NBAS: variants seen among roughly 807,000 people sequenced by gnomAD.
The protein encoded by NBAS is NAG/BC035112 fusion.
In NBAS, 219 loss-of-function variants were observed where a neutral mutation model predicts 302.5. The ratio of observed to expected loss-of-function variants is 0.72; its 90% CI spans 0.65 to 0.81. NBAS has a LOEUF of 0.81. Among genes scored for constraint, NBAS ranks in the 30% least tolerant of loss-of-function variants. The probability of loss-of-function intolerance (pLI) is 0.00; values close to 1 mark genes in which losing one functional copy is unlikely to be tolerated. For missense variants in NBAS, 2,932 were observed against 2,841.6 expected (o/e 1.03, Z -0.72); for synonymous variants, 1,118 against 1,021.6 (o/e 1.09, Z -1.80).
intron 40 of NBAS, among the ~76,000 whole-genome samples, chr2:15,298,946 C>T (rs1670675111): frequency 6.6e-6 from 1 of 152,136 alleles, no homozygotes; most frequent in African/African-American, 2.4e-5. Flanking sequence ...CACCCGCTTG[C>T]CCCACACTGC....
At chr2:15,318,011 G>A (rs1388008492) in intron 38 of NBAS, among the ~76,000 whole-genome samples, 1 of 152,156 alleles carries the variant, frequency 6.6e-6, no homozygotes, top group Non-Finnish European at 1.5e-5. Context: ...AGGTTGGGTT[G>A]CCCACAAAGG....
At chr2:15,039,110 C>T in the NBAS span, among the ~76,000 whole-genome samples, 35 of 152,288 alleles carry the variant, frequency 2.3e-4, no homozygotes, top group African/African-American at 7.7e-4. Flanking sequence ...CTGACTAGCC[C>T]TCTGTCTTTG....
the NBAS span, among the ~76,000 whole-genome samples, chr2:15,113,707 T>C: frequency 3.3e-5 from 5 of 152,150 alleles, no homozygotes; most frequent in Admixed American, 2.6e-4. Context: ...GATTCTTTAG[T>C]ACCAACTCTT....
At chr2:15,339,527 G>C (rs1672751498) in intron 35 of NBAS, among the ~76,000 whole-genome samples, 1 of 152,068 alleles carries the variant, frequency 6.6e-6, no homozygotes, top group Non-Finnish European at 1.5e-5. Context: ...ACACCAACTT[G>C]TGACAGGCAT....
rs141667523 is a variant in NBAS at position 15,555,718 on chromosome 2, C to G, written c.209+1065G>C. Among the ~76,000 whole-genome samples the G allele has an allele frequency of 2.7e-3, 411 of 152,150 alleles. 1 individual carries two copies. The highest frequency in any genetic ancestry group is 8.8e-3 in the African/African-American group (366 of 41,514). ...TGCATTTGCAACCTGTACAATGATT[C>G]AAGGAAAAAGGCTTCTCAGGAGGAA... is the stretch of plus-strand genomic sequence containing the variant. On this transcript the variant is annotated intron_variant, in intron 3 of 51. Coordinates refer to ENST00000281513, the MANE Select transcript of NBAS (RefSeq NM_015909.4).
At chr2:15,483,795 G>A (rs1680520860) in intron 12 of NBAS, among the ~76,000 whole-genome samples, 1 of 152,156 alleles carries the variant, frequency 6.6e-6, no homozygotes, top group Non-Finnish European at 1.5e-5. Flanking sequence ...CCCCAAATGA[G>A]TTGAATTCAC....
chr2:14,933,684 G>A, the NBAS span, among the ~76,000 whole-genome samples: 1 of 152,132 alleles, frequency 6.6e-6, no homozygotes, highest in Non-Finnish European at 1.5e-5. Context: ...TGTCCAAGAT[G>A]AGCAGATTTG....
the NBAS span, among the ~76,000 whole-genome samples, chr2:14,960,836 A>C: frequency 1.3e-5 from 2 of 152,182 alleles, no homozygotes; most frequent in African/African-American, 4.8e-5. Flanking sequence ...TTTCATAGTC[A>C]ATGAACAAGA....
At chr2:15,136,340 A>G in the NBAS span, among the ~76,000 whole-genome samples, 1 of 152,204 alleles carries the variant, frequency 6.6e-6, no homozygotes, top group Admixed American at 6.5e-5. Flanking sequence ...TGAAATGGCA[A>G]ATTTCCCCTG....
intron 48 of NBAS, among the ~76,000 whole-genome samples, chr2:15,213,358 C>A (rs1397958202): frequency 2.6e-5 from 4 of 152,170 alleles, no homozygotes; most frequent in African/African-American, 9.7e-5. Context: ...AATTAAGCAG[C>A]AGTTAACATA....
At chr2:14,984,175 G>A in the NBAS span, among the ~76,000 whole-genome samples, 1 of 152,132 alleles carries the variant, frequency 6.6e-6, no homozygotes, top group Non-Finnish European at 1.5e-5. Context: ...CAAGCCCCAC[G>A]ATGTACCTGG....
chr2:15,453,927 C>T (rs781613101), intron 21 of NBAS, among the ~76,000 whole-genome samples: 4 of 151,998 alleles, frequency 2.6e-5, no homozygotes, highest in East Asian at 1.9e-4. Context: ...TATAGCTGTG[C>T]GCCACCACGC....
chr2:15,186,936 TGTGATAAATTTTAAAACAA>T, intron 49 of NBAS, 56 bp from the exon 50 acceptor site: 1 of 1,609,074 alleles, frequency 6.2e-7, no homozygotes, highest in Non-Finnish European at 8.5e-7. Flanking sequence ...TTATCATAAT[TGTGATAAATTTTAAAACAA>T]GTGAAATGCT....
At chr2:15,225,121 A>T (rs1187295489) in intron 47 of NBAS, among the ~76,000 whole-genome samples, 1 of 152,216 alleles carries the variant, frequency 6.6e-6, no homozygotes, top group Non-Finnish European at 1.5e-5. Flanking sequence ...GATAAATACA[A>T]ATAATCTCCT....
chr2:14,982,591 A>T, the NBAS span, among the ~76,000 whole-genome samples: 1 of 152,158 alleles, frequency 6.6e-6, no homozygotes, highest in Non-Finnish European at 1.5e-5. Context: ...TTTAGGAAAA[A>T]CATGAATTTC....
the NBAS span, among the ~76,000 whole-genome samples, chr2:14,940,550 G>C: frequency 2.2e-4 from 33 of 152,278 alleles, no homozygotes; most frequent in African/African-American, 7.0e-4. Flanking sequence ...CCCTGGTTCT[G>C]TCTTCTAAAG....
Position 15,275,622 on chromosome 2 carries a change from G to C in NBAS, c.5586C>G (p.Leu1862=). 1 of 1,614,176 alleles carries C rather than the reference G, an allele frequency of 6.2e-7. No homozygotes were observed. Among genetic ancestry groups the C allele is most frequent in the African/African-American group, 1.3e-5 (1 of 75,056 alleles). Residue 1862 remains leucine, a synonymous_variant, in exon 44 of 52, where the codon CTC becomes CTG. Transcript: ENST00000281513. ...GTGAAGAGCCTGGGACTTGTTTAATGAGATGAGGGTCTCCAGTCCAGAACA... is the reference window on the plus strand; with the variant it reads ...GTGAAGAGCCTGGGACTTGTTTAATCAGATGAGGGTCTCCAGTCCAGAACA... The part of the protein sequence containing the change: ...QKLFWTGDPH[L]IKQVPGSSPE...
the NBAS span, among the ~76,000 whole-genome samples, chr2:14,792,545 T>C: frequency 6.6e-6 from 1 of 152,098 alleles, no homozygotes; most frequent in African/African-American, 2.4e-5. Context: ...TGACTGCTAC[T>C]GAAAATATAT....
the NBAS span, among the ~76,000 whole-genome samples, chr2:14,985,787 A>G: frequency 6.6e-6 from 1 of 152,208 alleles, no homozygotes; most frequent in African/African-American, 2.4e-5. Flanking sequence ...AATCCTTTAT[A>G]CTTGATTTTG....
Sources: allele counts gnomAD v4.1 joint callset (sites outside exome capture counted in the v4.1 genomes callset), GRCh38; gene constraint gnomAD v4.1.1; transcripts MANE v1.5; gene names NCBI Gene and HGNC (gene_info 2026-07-23, HGNC 2026-07-21).